Variants in COL18A1 observed in about 807,000 individuals in gnomAD.
COL18A1 encodes collagen alpha-1(XVIII) chain.
A neutral mutation model predicts 168.0 loss-of-function variants in COL18A1; 133 were observed. The observed-to-expected ratio is 0.79, with a 90% confidence interval of 0.69 to 0.91. The LOEUF is 0.91. Among genes scored for constraint, COL18A1 ranks in the 40% least tolerant of loss-of-function variants. The pLI is 0.00. For synonymous variants in COL18A1, 949 were observed against 809.0 expected (o/e 1.17, Z -2.94); for missense variants, 2,126 against 1,925.4 (o/e 1.10, Z -1.95).
intron 2 of COL18A1, among the ~76,000 whole-genome samples, chr21:45,438,258 ACACT>A (rs1470022950): frequency 1.1e-4 from 11 of 101,854 alleles, no homozygotes; most frequent in East Asian, 3.3e-4. Context: ...GCACACACAC[ACACT>A]CACACTCAGA....
At chr21:45,411,551 A>G (rs2033288997) in intron 2 of COL18A1, among the ~76,000 whole-genome samples, 1 of 151,990 alleles carries the variant, frequency 6.6e-6, no homozygotes, top group African/African-American at 2.4e-5. Flanking sequence ...TAAGCCTCAG[A>G]CGCCCACAGT....
At chr21:45,437,699 CACACACTCAG>C (rs1268683252) in intron 2 of COL18A1, among the ~76,000 whole-genome samples, 2 of 80,806 alleles carry the variant, frequency 2.5e-5, no homozygotes, top group Non-Finnish European at 4.6e-5. Context: ...CACACACACA[CACACACTCAG>C]ACACACAGGC....
intron 2 of COL18A1, among the ~76,000 whole-genome samples, chr21:45,465,329 C>T (rs1340730934): frequency 6.6e-6 from 1 of 151,906 alleles, no homozygotes; most frequent in African/African-American, 2.4e-5. Flanking sequence ...CGAGTGTCAA[C>T]AGGAAGTCTC....
At position 45,435,726 on chromosome 21, in the gene COL18A1, G is replaced by A. The variant is rs150705062; in HGVS notation, c.106+30253G>A. On this transcript the variant is annotated intron_variant, in intron 2 of 41. Transcript: ENST00000651438. Reference sequence around the variant, plus strand: ...AGTCCTATAGGGTGAAGGGTCTGCCGTGGGCTGAGGCATGTTGGGGCATCC... The same window carrying A: ...AGTCCTATAGGGTGAAGGGTCTGCCATGGGCTGAGGCATGTTGGGGCATCC... Among the ~76,000 whole-genome samples, 136 of 152,240 alleles carry A rather than the reference G, an allele frequency of 8.9e-4. 1 individual carries two copies. The highest frequency in any genetic ancestry group is 2.7e-3 in the African/African-American group (111 of 41,530).
Position 45,511,061 on chromosome 21 carries a change from C to T in COL18A1, c.3694-50C>T, listed in dbSNP as rs1164895396. The T allele has an allele frequency of 1.1e-5, 8 of 740,162 alleles. No homozygotes were observed. The East Asian group carries it at 2.1e-4, about 19-fold the overall frequency. 45.8% of individuals were successfully genotyped at this position (740,162 alleles called of 1,614,324 possible). A position where few individuals can be genotyped will look rare whatever the true frequency, so the allele number is the denominator to read the frequency against. ...ACACCCCCCCACAAACACCCACACC[C>T]ATCCACACCCCCACACACCACACAC... On this transcript the variant is annotated intron_variant, in intron 40 of 41. Coordinates refer to ENST00000651438, the MANE Select transcript of COL18A1 (RefSeq NM_001379500.1).
At chr21:45,435,801 G>T (rs1019601814) in intron 2 of COL18A1, among the ~76,000 whole-genome samples, 1 of 152,206 alleles carries the variant, frequency 6.6e-6, no homozygotes, top group Non-Finnish European at 1.5e-5. Context: ...CCTGGCACAG[G>T]TCTGCTCGGA....
intron 2 of COL18A1, chr21:45,420,507 T>G (rs1325896489): frequency 6.6e-6 from 1 of 152,108 alleles, no homozygotes; most frequent in Non-Finnish European, 1.5e-5. Flanking sequence ...CGGAGTCCCC[T>G]CGGGGCACCG....
In COL18A1 at chr21:45,443,015, GGGT is replaced by G. The variant is rs1352802571; in HGVS notation, c.107-25216_107-25214del. On this transcript the variant is annotated intron_variant, in intron 2 of 41. Transcript: ENST00000651438. This position sits in a 1 kb window ranked among gnomAD's most constrained non-coding sequence, Gnocchi z 5.2. Reference sequence around the variant, plus strand: ...CTGGTGTGGGCGGCGGTGCTGATGTGGGTGGTGGTGGTGCTGATGTGGGCGGCG... The same window carrying G: ...CTGGTGTGGGCGGCGGTGCTGATGTGGGTGGTGGTGCTGATGTGGGCGGCG... 6.1e-4 allele frequency among the ~76,000 whole-genome samples: 75 copies of G among 122,538 alleles called. 2 individuals are homozygous for G. Among genetic ancestry groups the G allele is most frequent in the South Asian group, 1.0e-3 (4 of 3,898 alleles). 80.4% of individuals were successfully genotyped at this position (122,538 alleles called of 152,430 possible).
intron 6 of COL18A1, among the ~76,000 whole-genome samples, chr21:45,476,951 G>GTA (rs1555860228): frequency 1.3e-5 from 2 of 149,722 alleles, no homozygotes; most frequent in Non-Finnish European, 3.0e-5. Flanking sequence ...GTGTGTGTGT[G>GTA]GCAGGTGGGG....
intron 2 of COL18A1, among the ~76,000 whole-genome samples, chr21:45,437,677 G>T (rs188565767): frequency 0.33 from 9,440 of 28,258 alleles, 2,163 homozygotes; most frequent in Admixed American, 0.45. Context: ...CAGACACACA[G>T]GCACTCTCCT....
chr21:45,469,278 T>G (rs1456836079), intron 3 of COL18A1, among the ~76,000 whole-genome samples: 3 of 152,200 alleles, frequency 2.0e-5, no homozygotes, highest in Non-Finnish European at 4.4e-5. Context: ...CGTGGCCCCA[T>G]GCAGAATGAA....
chr21:45,482,535 C>T (rs1171552825), intron 14 of COL18A1, among the ~76,000 whole-genome samples: 1 of 152,192 alleles, frequency 6.6e-6, no homozygotes, highest in African/African-American at 2.4e-5. Context: ...CTTGGGGAGG[C>T]ATCCAGGCCC....
intron 14 of COL18A1, chr21:45,482,235 G>A (rs909488481): frequency 8.0e-6 from 5 of 621,884 alleles, no homozygotes; most frequent in East Asian, 5.5e-5. Context: ...GATGATGAGT[G>A]GACTCACGGG....
intron 2 of COL18A1, among the ~76,000 whole-genome samples, chr21:45,454,052 G>A (rs1405445272): frequency 6.6e-6 from 1 of 152,198 alleles, no homozygotes; most frequent in Non-Finnish European, 1.5e-5. Flanking sequence ...TAAAATCACA[G>A]CAGCAGCAGT....
chr21:45,415,329 G>T (rs889250692), intron 2 of COL18A1, among the ~76,000 whole-genome samples: 2 of 152,198 alleles, frequency 1.3e-5, no homozygotes, highest in African/African-American at 4.8e-5. Context: ...GCTTTGTGGA[G>T]ACTTAAAGAT....
rs778879853 is a variant in COL18A1, at chr21:45,405,426, C to T, written c.59C>T (p.Ala20Val). ...CGGCGGCGCCTCCTGGACGTGCTCG[C>T]GCCCCTGGTCCTGCTGCTCGGGGTC... ...PRRRRLLDVL[A>V]PLVLLLGVRA... Residue 20 changes from alanine (A) to valine (V), a missense_variant, in exon 2 of 42, where the codon GCG becomes GTG. By Grantham distance (64) the Ala-to-Val change is moderately conservative. Coordinates refer to ENST00000651438, the MANE Select transcript of COL18A1 (RefSeq NM_001379500.1). The T allele has an allele frequency of 7.3e-7, 1 of 1,362,150 alleles. No homozygotes were observed. The highest frequency in any genetic ancestry group is 1.6e-5 in the South Asian group (1 of 62,812). 84.4% of individuals were successfully genotyped at this position (1,362,150 alleles called of 1,614,324 possible).
At position 45,480,479 on chromosome 21, in the gene COL18A1, A is replaced by C. The variant is rs759635724; in HGVS notation, c.1411A>C (p.Met471Leu). The change falls in exon 12 of 42, where the codon ATG (methionine) becomes CTG (leucine). Residue 471 changes from methionine (M) to leucine (L), a missense_variant. By Grantham distance (15) the Met-to-Leu change is conservative. Coordinates refer to ENST00000651438, the MANE Select transcript of COL18A1 (RefSeq NM_001379500.1). ...FRHDKLTFID[M>L]EGSGFGGDLE... ...CTCTTTTCCTCAGACCTTCATTGAC[A>C]TGGAGGGATCTGGCTTCGGGGGCGA... 1.2e-6 allele frequency: 2 copies of C among 1,614,066 alleles called. No individual in the cohort carries two copies. The highest frequency in any genetic ancestry group is 3.3e-5 in the Admixed American group (2 of 60,032).
Position 45,512,332 on chromosome 21 carries a change from C to A in COL18A1, c.3954C>A (p.Ala1318=), listed in dbSNP as rs746879124. ...LLGGRLLGQS[A]ASCHHAYIVL... ...GGGGCAGGCTCCTGGGGCAGAGTGC[C>A]GCGAGCTGCCATCACGCCTACATCG... is the stretch of plus-strand genomic sequence containing the variant. Residue 1318 remains alanine (A), a synonymous_variant, in exon 42 of 42, where the codon GCC becomes GCA. Transcript: ENST00000651438. 1 of 1,612,482 alleles carries A rather than the reference C, an allele frequency of 6.2e-7. No individual in the cohort carries two copies. Among genetic ancestry groups the A allele is most frequent in the African/African-American group, 1.3e-5 (1 of 74,908 alleles).
chr21:45,492,495 C>A, intron 22 of COL18A1, 40 bp from the exon 23 acceptor site: 2 of 1,612,872 alleles, frequency 1.2e-6, no homozygotes, highest in Non-Finnish European at 1.7e-6. Context: ...ATTTTAAACG[C>A]GGCTCTTTGT....
Sources: gnomAD v4.1 joint callset for allele counts (sites outside exome capture counted in the v4.1 genomes callset) on GRCh38, gnomAD v4.1.1 for gene constraint, Gnocchi (gnomAD v3.1) non-coding constraint, MANE v1.5 for transcripts, NCBI Gene and HGNC (gene_info 2026-07-23, HGNC 2026-07-21) for gene names.